Variants in ZNF609 observed in about 807,000 individuals in gnomAD.
The protein encoded by ZNF609 is zinc finger protein 609.
Under a neutral mutation model 109.5 loss-of-function variants are expected in ZNF609, and 11 were observed. The observed-to-expected ratio is 0.10, with a 90% CI of 0.06 to 0.17. ZNF609 has a LOEUF of 0.17. Among genes scored for constraint, ZNF609 ranks in the 10% least tolerant of loss-of-function variants. ZNF609 has a pLI of 1.00. For synonymous variants in ZNF609, 646 were observed against 662.0 expected, an observed-to-expected ratio of 0.98 and a Z score of 0.37; for missense variants, 1,559 against 1,772.4, an observed-to-expected ratio of 0.88 and a Z score of 2.16.
At chr15:64,530,559 TA>T (rs760322348) in intron 2 of ZNF609, among the ~76,000 whole-genome samples, 3 of 152,206 alleles carry the variant, frequency 2.0e-5, no homozygotes, top group Non-Finnish European at 4.4e-5. Context: ...GCTCAATGCT[TA>T]ATATTAGTAG....
intron 3 of ZNF609, among the ~76,000 whole-genome samples, chr15:64,667,007 C>T (rs1051837229): frequency 1.3e-5 from 2 of 152,012 alleles, no homozygotes; most frequent in Non-Finnish European, 2.9e-5. Context: ...ATGTGCGCCT[C>T]TAGTCCCAGC....
chr15:64,669,033 A>AC (rs1481381757), intron 3 of ZNF609, among the ~76,000 whole-genome samples: 1 of 151,684 alleles, frequency 6.6e-6, no homozygotes, highest in African/African-American at 2.4e-5. Context: ...CTTTTATCAG[A>AC]TTGGCAAAGA....
chr15:64,580,874 G>A (rs1008610376), intron 2 of ZNF609, among the ~76,000 whole-genome samples: 1 of 143,352 alleles, frequency 7.0e-6, no homozygotes, highest in African/African-American at 2.6e-5. Flanking sequence ...ATTTTTCCTT[G>A]TTTTTTAATG....
intron 3 of ZNF609, among the ~76,000 whole-genome samples, chr15:64,624,540 A>G (rs567166552): frequency 6.6e-6 from 1 of 152,022 alleles, no homozygotes; most frequent in Non-Finnish European, 1.5e-5. Context: ...CAAGAACAAG[A>G]TGCTTTTTTT....
At position 64,671,650 on chromosome 15, in the gene ZNF609, C is replaced by G. The variant is rs1896732540; in HGVS notation, c.1061+1217C>G. Among the ~76,000 whole-genome samples, 3 of 152,222 alleles carry G rather than the reference C, an allele frequency of 2.0e-5. 1 individual carries two copies. Among genetic ancestry groups the G allele is most frequent in the African/African-American group, 7.2e-5 (3 of 41,536 alleles). On this transcript the variant is annotated intron_variant, in intron 4 of 9. Coordinates refer to ENST00000326648, the MANE Select transcript of ZNF609 (RefSeq NM_015042.2). ...TTTTTCCTAATATTAGTACTCAGTTCGTCAGGGTTTGGGAAATCCAGGCGT... is the reference window on the plus strand; with the variant it reads ...TTTTTCCTAATATTAGTACTCAGTTGGTCAGGGTTTGGGAAATCCAGGCGT...
intron 1 of ZNF609, among the ~76,000 whole-genome samples, chr15:64,497,385 G>A (rs1893496022): frequency 6.6e-6 from 1 of 152,114 alleles, no homozygotes; most frequent in African/African-American, 2.4e-5. Context: ...TTGCTAGCAG[G>A]CATTCACCTG....
intron 2 of ZNF609, among the ~76,000 whole-genome samples, chr15:64,539,377 T>G (rs995943036): frequency 6.6e-6 from 1 of 151,556 alleles, no homozygotes; most frequent in East Asian, 1.9e-4. Context: ...CCGGCTAATT[T>G]TTTGTATTTT....
intron 2 of ZNF609, among the ~76,000 whole-genome samples, chr15:64,619,046 A>G (rs1252729582): frequency 3.3e-5 from 5 of 152,088 alleles, no homozygotes. Context: ...CTTCTGTATC[A>G]TTTAAAGGGA....
In ZNF609 at chr15:64,618,213, C is replaced by T. The variant is rs947833108; in HGVS notation, c.748-4614C>T. ...CGATCACAGCTCACTGCAGCCTTCA[C>T]CCCCGGGACAAAACTTTCCTCCTGA... On this transcript the variant is annotated intron_variant, in intron 2 of 9. Transcript: ENST00000326648. 3.3e-5 allele frequency among the ~76,000 whole-genome samples: 5 copies of T among 152,056 alleles called. No individual in the cohort carries two copies. The South Asian group carries it at 1.0e-3, about 32-fold the overall frequency.
rs1227308420 is a variant in ZNF609, at chr15:64,500,076, T to C, written c.657T>C (p.Pro219=). The change falls in exon 2 of 10, where the codon CCT becomes CCC. Residue 219 remains proline (P), a synonymous_variant. Coordinates refer to ENST00000326648, the MANE Select transcript of ZNF609 (RefSeq NM_015042.2). ...CACTTGGGAGTATAGCTATTGAGCC[T>C]GGGGCAGCGCTCAATCCTTTGGGAA... is the stretch of plus-strand genomic sequence containing the variant. The part of the protein sequence containing the change: ...VEPLGSIAIE[P]GAALNPLGTK... The C allele has an allele frequency of 2.5e-6, 4 of 1,613,948 alleles. No individual in the cohort carries two copies. In the African/African-American group the frequency reaches 5.3e-5, roughly 22 times the overall value.
intron 1 of ZNF609, among the ~76,000 whole-genome samples, chr15:64,472,252 G>A (rs1361046125): frequency 2.0e-5 from 3 of 152,210 alleles, no homozygotes; most frequent in Non-Finnish European, 2.9e-5. Context: ...AAAGTGTGAA[G>A]TGCAGCATGG....
chr15:64,670,439 C>T lies in ZNF609; in HGVS notation c.1061+6C>T. 1.9e-6 allele frequency: 3 copies of T among 1,611,176 alleles called. No individual in the cohort carries two copies. The highest frequency in any genetic ancestry group is 2.5e-6 in the Non-Finnish European group (3 of 1,177,258). ...CATGATTGGGCACCCCCAAGGTAAG[C>T]ACTTACAGCTATTTAGTTTATATTA... On this transcript the variant is annotated splice_donor_region_variant and intron_variant, in intron 4 of 9. Transcript: ENST00000326648.
At chr15:64,556,305 A>T (rs924335716) in intron 2 of ZNF609, among the ~76,000 whole-genome samples, 1 of 151,220 alleles carries the variant, frequency 6.6e-6, no homozygotes, top group African/African-American at 2.4e-5. Context: ...TAATTTTAAA[A>T]TTTTTTTATA....
At chr15:64,582,138 C>A (rs1433140993) in intron 2 of ZNF609, among the ~76,000 whole-genome samples, 1 of 152,186 alleles carries the variant, frequency 6.6e-6, no homozygotes, top group Non-Finnish European at 1.5e-5. Flanking sequence ...TGCACCAGGA[C>A]CAAGCTGTTT....
intron 3 of ZNF609, among the ~76,000 whole-genome samples, chr15:64,662,963 G>A (rs534550884): frequency 1.3e-5 from 2 of 152,116 alleles, no homozygotes; most frequent in Non-Finnish European, 2.9e-5. Context: ...CACCGTGCTT[G>A]GCTAACTAAT....
intron 1 of ZNF609, among the ~76,000 whole-genome samples, chr15:64,475,392 C>CTTTTTTTTT (rs35289626): frequency 2.7e-5 from 3 of 109,588 alleles, no homozygotes; most frequent in Admixed American, 1.2e-4. Context: ...CACATGTTGT[C>CTTTTTTTTT]TTTTTTTTTT....
At chr15:64,612,429 G>A (rs927798282) in intron 2 of ZNF609, among the ~76,000 whole-genome samples, 10 of 151,768 alleles carry the variant, frequency 6.6e-5, no homozygotes, top group Non-Finnish European at 1.2e-4. Context: ...GATTACAGGC[G>A]TGAGCCACTG....
intron 2 of ZNF609, among the ~76,000 whole-genome samples, chr15:64,608,929 G>A (rs551218623): frequency 6.6e-6 from 1 of 152,044 alleles, no homozygotes; most frequent in African/African-American, 2.4e-5. Flanking sequence ...TAAAGATGGG[G>A]TCTTCCTATG....
At chr15:64,519,148 GA>G (rs1458047284) in intron 2 of ZNF609, among the ~76,000 whole-genome samples, 2 of 151,574 alleles carry the variant, frequency 1.3e-5, no homozygotes, top group Admixed American at 6.6e-5. Flanking sequence ...GCGGGTCAGG[GA>G]AAATATCCGT....
Sources: allele counts gnomAD v4.1 joint callset (sites outside exome capture counted in the v4.1 genomes callset), GRCh38; gene constraint gnomAD v4.1.1; transcripts MANE v1.5; gene names NCBI Gene and HGNC (gene_info 2026-07-23, HGNC 2026-07-21).